Variants in ANAPC4 observed in about 807,000 individuals in gnomAD.
ANAPC4 encodes anaphase promoting complex subunit 4.
A neutral mutation model predicts 119.8 loss-of-function variants in ANAPC4; 63 were observed. That is an observed-to-expected ratio of 0.53 (90% CI 0.43 to 0.65). The LOEUF is 0.65. Among genes scored for constraint, ANAPC4 ranks in the 30% least tolerant of loss-of-function variants. ANAPC4 has a pLI of 0.00. For synonymous variants in ANAPC4, 283 were observed against 318.6 expected (o/e 0.89, Z 1.19); for missense variants, 716 against 945.1 (o/e 0.76, Z 3.18).
In ANAPC4 at chr4:25,380,373, G is replaced by C; in HGVS notation, c.130-1G>C. 1 of 1,609,036 alleles carries C rather than the reference G, an allele frequency of 6.2e-7. No homozygotes were observed. The highest frequency in any genetic ancestry group is 8.5e-7 in the Non-Finnish European group (1 of 1,176,802). ...CTGCCATTATATCTGCTTTGTCTTA[G>C]GTTTTACTTCATCGACTGGCAAGTT... On this transcript the variant is annotated splice_acceptor_variant, in intron 2 of 28. Coordinates refer to ENST00000315368, the MANE Select transcript of ANAPC4 (RefSeq NM_013367.3). LOFTEE classifies it high-confidence loss of function.
rs539629790 is a variant in ANAPC4, at chr4:25,382,485, G to T, written c.236-776G>T. ...TTGCACTAAATCATTCAAAAACATG[G>T]AATCTCAAAGATAAATCACAAAAGT... On this transcript the variant is annotated intron_variant, in intron 3 of 28. Coordinates refer to ENST00000315368, the MANE Select transcript of ANAPC4 (RefSeq NM_013367.3). Among the ~76,000 whole-genome samples, 22 of 152,282 alleles carry T rather than the reference G, an allele frequency of 1.4e-4. 1 individual carries two copies. Among genetic ancestry groups the T allele is most frequent in the African/African-American group, 5.3e-4 (22 of 41,556 alleles).
chr4:25,399,324 C>T (rs950808821), intron 16 of ANAPC4, among the ~76,000 whole-genome samples: 7 of 152,084 alleles, frequency 4.6e-5, no homozygotes, highest in Admixed American at 6.5e-5. Flanking sequence ...AGATGCAGTT[C>T]GGGATCACGT....
Position 25,414,325 on chromosome 4 carries a change from A to C in ANAPC4, c.1625A>C (p.Asp542Ala). 3 of 1,561,628 alleles carry C rather than the reference A, an allele frequency of 1.9e-6. No individual in the cohort carries two copies. The highest frequency in any genetic ancestry group is 2.6e-6 in the Non-Finnish European group (3 of 1,138,452). The change falls in exon 23 of 29, where the codon GAT becomes GCT. Residue 542 changes from aspartate (D) to alanine (A), a missense_variant and splice_region_variant. Asp to Ala is a moderately radical substitution (Grantham distance 126). Coordinates refer to ENST00000315368, the MANE Select transcript of ANAPC4 (RefSeq NM_013367.3). ...ATTTTAAAATCTTATTTTATATAGG[A>C]TGTAATTGGAAAATCGATGAATCAA... Reference protein sequence around the residue: ...IIDQCLQKPADVIGKSMNQAI... With the variant: ...IIDQCLQKPAAVIGKSMNQAI...
intron 21 of ANAPC4, chr4:25,413,145 A>T (rs1044460218): frequency 6.6e-6 from 1 of 152,166 alleles, no homozygotes; most frequent in Admixed American, 6.5e-5. Flanking sequence ...GGTATTTTAA[A>T]CACCTAGCAT....
At chr4:25,393,777 C>A in intron 10 of ANAPC4, 28 bp from the exon 11 acceptor site, 2 of 1,443,990 alleles carry the variant, frequency 1.4e-6, no homozygotes, top group South Asian at 2.6e-5. Flanking sequence ...TATTTTTTAC[C>A]ATTTCAATTT....
At position 25,417,689 on chromosome 4, in the gene ANAPC4, A is replaced by T. The variant is rs1723962145; in HGVS notation, c.2149A>T (p.Met717Leu). Reference sequence around the variant, plus strand: ...GAAGCACTGGAGATTACTGGAAAGTATGAAAGCACAGTATGTTGCTGGGAA... The same window carrying T: ...GAAGCACTGGAGATTACTGGAAAGTTTGAAAGCACAGTATGTTGCTGGGAA... ...FEKHWRLLESMKAQYVAGNGF... is the reference protein window; with the variant it reads ...FEKHWRLLESLKAQYVAGNGF... Residue 717 changes from methionine to leucine, a missense_variant, in exon 28 of 29, where the codon ATG becomes TTG. Physicochemically the swap from Met to Leu is conservative, Grantham distance 15. Coordinates refer to ENST00000315368, the MANE Select transcript of ANAPC4 (RefSeq NM_013367.3). 4 of 1,613,744 alleles carry T rather than the reference A, an allele frequency of 2.5e-6. No homozygotes were observed. Among genetic ancestry groups the T allele is most frequent in the Non-Finnish European group, 3.4e-6 (4 of 1,179,790 alleles).
At position 25,399,995 on chromosome 4, in the gene ANAPC4, C is replaced by G. The variant is rs569179694; in HGVS notation, c.1215-2976C>G. On this transcript the variant is annotated intron_variant, in intron 16 of 28. Transcript: ENST00000315368. Reference sequence around the variant, plus strand: ...ATGCTAAGTCAAGCAAGGGAAACACCAAGAATAGAATAGAGTCTTAGAATA... The same window carrying G: ...ATGCTAAGTCAAGCAAGGGAAACACGAAGAATAGAATAGAGTCTTAGAATA... Among the ~76,000 whole-genome samples the G allele has an allele frequency of 2.0e-5, 3 of 152,176 alleles. No individual in the cohort carries two copies. The South Asian group carries it at 6.2e-4, about 32-fold the overall frequency.
chr4:25,383,129 A>G lies in ANAPC4; in HGVS notation c.236-132A>G, dbSNP rs141365775. On this transcript the variant is annotated intron_variant, in intron 3 of 28. Transcript: ENST00000315368. ...TCTTTTTTTAGTTTTTAAAATATTGAAGGATGTTTAGGTCAAAAATTGCCA... is the reference window on the plus strand; with the variant it reads ...TCTTTTTTTAGTTTTTAAAATATTGGAGGATGTTTAGGTCAAAAATTGCCA... 497 of 764,828 alleles carry G rather than the reference A, an allele frequency of 6.5e-4. 1 individual carries two copies. Among genetic ancestry groups the G allele is most frequent in the East Asian group, 3.9e-3 (133 of 34,240 alleles). 47.4% of individuals were successfully genotyped at this position (764,828 alleles called of 1,614,324 possible).
chr4:25,403,776 A>G (rs1187657181), intron 17 of ANAPC4, among the ~76,000 whole-genome samples: 5 of 152,222 alleles, frequency 3.3e-5, no homozygotes, highest in Non-Finnish European at 7.3e-5. Context: ...GAACATTTCC[A>G]TTACCACTTC....
At chr4:25,379,205 T>C (rs979806641) in intron 2 of ANAPC4, among the ~76,000 whole-genome samples, 1 of 152,002 alleles carries the variant, frequency 6.6e-6, no homozygotes, top group African/African-American at 2.4e-5. Flanking sequence ...CTGAGTGCAG[T>C]AGAAGATGTG....
At chr4:25,392,451 T>C (rs943457304) in intron 10 of ANAPC4, 30 bp downstream of exon 10, 1 of 1,556,460 alleles carries the variant, frequency 6.4e-7, no homozygotes, top group Non-Finnish European at 8.8e-7. Flanking sequence ...TTTATGTGAA[T>C]ATTTATTATC....
Position 25,394,708 on chromosome 4 carries a change from G to T in ANAPC4, c.979G>T (p.Val327Leu). The T allele has an allele frequency of 1.2e-6, 2 of 1,604,376 alleles. No individual in the cohort carries two copies. Among genetic ancestry groups the T allele is most frequent in the Non-Finnish European group, 1.7e-6 (2 of 1,177,408 alleles). Residue 327 changes from valine (V) to leucine (L), a missense_variant, in exon 13 of 29, where the codon GTA becomes TTA. Physicochemically the swap from Val to Leu is conservative, Grantham distance 32 (BLOSUM62 1). This residue lies in a region of ANAPC4 where 504 missense variants were observed against 615.8 expected (regional missense o/e 0.82). Coordinates refer to ENST00000315368, the MANE Select transcript of ANAPC4 (RefSeq NM_013367.3). Reference protein sequence around the residue: ...LQTLLMNQLTVKGLKKLGQSI... With the variant: ...LQTLLMNQLTLKGLKKLGQSI... ...GACTCTCTTGATGAATCAGTTAACA[G>T]TAAAGGTGCAGTTAATGTATCTATG...
chr4:25,379,641 A>G (rs1721607092), intron 2 of ANAPC4, among the ~76,000 whole-genome samples: 1 of 152,226 alleles, frequency 6.6e-6, no homozygotes, highest in East Asian at 1.9e-4. Context: ...CATGAGCTGC[A>G]GAAAGCACAG....
chr4:25,413,616 T>C, intron 21 of ANAPC4, 29 bp from the exon 22 acceptor site: 1 of 1,547,806 alleles, frequency 6.5e-7, no homozygotes, highest in Non-Finnish European at 8.9e-7. Flanking sequence ...GCTTCTTTTA[T>C]TTTTGTTTCT....
intron 11 of ANAPC4, 98 bp downstream of exon 11, chr4:25,393,989 G>C: frequency 1.0e-6 from 1 of 996,696 alleles, no homozygotes; most frequent in South Asian, 1.8e-5. Flanking sequence ...ATTCATAAAA[G>C]GCTAAGATCA....
rs1195432307 is a variant in ANAPC4, at chr4:25,406,849, A to G, written c.1338A>G (p.Thr446=). 4 of 1,604,560 alleles carry G rather than the reference A, an allele frequency of 2.5e-6. No individual in the cohort carries two copies. The East Asian group carries it at 9.0e-5, about 36-fold the overall frequency. Residue 446 remains threonine, a synonymous_variant, in exon 19 of 29, where the codon ACA becomes ACG. Transcript: ENST00000315368. ...ELNKMTQKDI[T]FVAEFLTEHF... is the part of the protein sequence containing the mutation. ...GATAGATGACTCAGAAAGATATCAC[A>G]TTTGTTGCTGAATTTCTTACTGAAC... is the stretch of plus-strand genomic sequence containing the variant.
intron 10 of ANAPC4, among the ~76,000 whole-genome samples, chr4:25,393,083 T>C (rs965996566): frequency 6.6e-6 from 1 of 152,200 alleles, no homozygotes; most frequent in African/African-American, 2.4e-5. Flanking sequence ...CTGGAGGGGC[T>C]ACAAAAGATT....
At chr4:25,382,485 G>A (rs539629790) in intron 3 of ANAPC4, among the ~76,000 whole-genome samples, 5 of 152,164 alleles carry the variant, frequency 3.3e-5, no homozygotes, top group Admixed American at 3.3e-4. Context: ...CAAAAACATG[G>A]AATCTCAAAG....
intron 7 of ANAPC4, among the ~76,000 whole-genome samples, chr4:25,389,821 C>T (rs571900298): frequency 2.0e-5 from 3 of 152,118 alleles, no homozygotes; most frequent in African/African-American, 7.2e-5. Context: ...ACTGATGGCA[C>T]TTTGTATTAG....
Sources: allele counts gnomAD v4.1 joint callset (sites outside exome capture counted in the v4.1 genomes callset), GRCh38; gene constraint gnomAD v4.1.1; regional missense constraint gnomAD v4.1.1; transcripts MANE v1.5; gene names NCBI Gene and HGNC (gene_info 2026-07-23, HGNC 2026-07-21).